The following GLE1 variants were observed in gnomAD, a reference collection of about 807,000 sequenced individuals.
The protein encoded by GLE1 is GLE1 RNA export mediator.
In GLE1, 78 loss-of-function variants were observed where a neutral mutation model predicts 97.3. That is an observed-to-expected ratio of 0.80 (90% CI 0.67 to 0.97). The LOEUF (loss-of-function observed/expected upper bound fraction) is 0.97, where lower values mean the gene tolerates loss of function less well. Ranked by LOEUF, GLE1 falls within the 50% of genes least tolerant of loss-of-function variation. The pLI, the probability that GLE1 is intolerant of heterozygous loss-of-function variation, is 0.00. For synonymous variants in GLE1, 302 were observed against 313.4 expected (o/e 0.96, Z 0.39); for missense variants, 753 against 857.5 (o/e 0.88, Z 1.52).
chr9:128,508,748 T>C, intron 1 of GLE1, 128 bp from the exon 2 acceptor site: 1 of 706,082 alleles, frequency 1.4e-6, no homozygotes, highest in Non-Finnish European at 2.6e-6. Context: ...ATCTGATTGT[T>C]AATACATTAC....
chr9:128,525,176 T>C lies in GLE1; in HGVS notation c.898-16T>C. ...TAGGGAATGACCACTAAGCACCATC[T>C]CCGTCACTCTGACAGAGCAGCTATC... On this transcript the variant is annotated splice_polypyrimidine_tract_variant and intron_variant, in intron 6 of 15. Coordinates refer to ENST00000309971, the MANE Select transcript of GLE1 (RefSeq NM_001003722.2). 1 of 1,597,184 alleles carries C rather than the reference T, an allele frequency of 6.3e-7. No individual in the cohort carries two copies. Among genetic ancestry groups the C allele is most frequent in the Non-Finnish European group, 8.6e-7 (1 of 1,164,656 alleles).
chr9:128,533,037 C>A (rs536410071), intron 9 of GLE1, among the ~76,000 whole-genome samples: 8 of 152,186 alleles, frequency 5.3e-5, no homozygotes, highest in African/African-American at 1.9e-4. Flanking sequence ...TACTGTTTAT[C>A]CCTTCATTTT....
Position 128,522,747 on chromosome 9 carries a change from G to T in GLE1, c.512G>T (p.Arg171Leu). The T allele has an allele frequency of 6.2e-7, 1 of 1,613,932 alleles. No individual in the cohort carries two copies. The highest frequency in any genetic ancestry group is 8.5e-7 in the Non-Finnish European group (1 of 1,179,980). The change falls in exon 4 of 16, where the codon CGG (arginine) becomes CTG (leucine). Residue 171 changes from arginine (R) to leucine (L), a missense_variant. Transcript: ENST00000309971. Reference protein sequence around the residue: ...LSEMASEQLKRFDEWKELKQH... With the variant: ...LSEMASEQLKLFDEWKELKQH... ...GAGATGGCATCTGAACAACTGAAGC[G>T]GTTTGATGAATGGAAGGAACTGAAG...
At chr9:128,540,369 A>G (rs774695784) in intron 15 of GLE1, 31 bp downstream of exon 15, 10 of 1,432,948 alleles carry the variant, frequency 7.0e-6, no homozygotes, top group African/African-American at 4.2e-5. Flanking sequence ...CATGCCCCAC[A>G]CTGTTGTTGG....
At chr9:128,510,358 G>A (rs984730611) in intron 2 of GLE1, among the ~76,000 whole-genome samples, 27 of 151,380 alleles carry the variant, frequency 1.8e-4, no homozygotes, top group African/African-American at 5.1e-4. Flanking sequence ...CCTCCTGAGC[G>A]GCTGGGATTA....
intron 11 of GLE1, among the ~76,000 whole-genome samples, chr9:128,535,237 C>T (rs528774163): frequency 4.0e-5 from 6 of 151,342 alleles, no homozygotes; most frequent in South Asian, 2.1e-4. Context: ...GTTGGCTGGG[C>T]GCGGTGGCTC....
intron 1 of GLE1, 115 bp from the exon 2 acceptor site, chr9:128,508,761 T>G: frequency 1.4e-6 from 1 of 727,394 alleles, no homozygotes; most frequent in East Asian, 2.6e-5. Context: ...TACATTACTT[T>G]GGGTCTTTGA....
chr9:128,516,645 CAG>C (rs1301086737), intron 3 of GLE1, among the ~76,000 whole-genome samples: 1 of 149,198 alleles, frequency 6.7e-6, no homozygotes, highest in Non-Finnish European at 1.5e-5. Flanking sequence ...TTTTTTGAGA[CAG>C]AGTCTTGCTG....
intron 2 of GLE1, among the ~76,000 whole-genome samples, chr9:128,512,213 T>TCTTGTCCCCC (rs1295832140): frequency 6.6e-5 from 10 of 152,262 alleles, no homozygotes; most frequent in African/African-American, 2.2e-4. Context: ...AGGCTATAAA[T>TCTTGTCCCCC]ATAGGTGTGA....
intron 11 of GLE1, among the ~76,000 whole-genome samples, chr9:128,534,587 A>T (rs1457445243): frequency 2.6e-5 from 4 of 152,128 alleles, no homozygotes; most frequent in African/African-American, 9.7e-5. Flanking sequence ...GAGGGTAATG[A>T]CATCTATTAC....
chr9:128,513,161 G>A (rs1846874232), intron 2 of GLE1, among the ~76,000 whole-genome samples: 2 of 151,946 alleles, frequency 1.3e-5, no homozygotes, highest in African/African-American at 2.4e-5. Context: ...GAATCACCTA[G>A]ATCTAGGAAC....
At chr9:128,538,112 CAAGAG>C in intron 13 of GLE1, 22 bp downstream of exon 13, 3 of 1,277,602 alleles carry the variant, frequency 2.3e-6, no homozygotes, top group Non-Finnish European at 2.3e-6. Flanking sequence ...AGTTATCACA[CAAGAG>C]AAGGCCAGTG....
At chr9:128,540,913 G>A (rs2132544829) in intron 15 of GLE1, 189 bp from the exon 16 acceptor site, 1 of 603,614 alleles carries the variant, frequency 1.7e-6, no homozygotes, top group East Asian at 2.8e-5. Context: ...CATTTCATTT[G>A]TTGTCTGGAG....
intron 3 of GLE1, among the ~76,000 whole-genome samples, chr9:128,519,694 C>G (rs1260720342): frequency 6.6e-6 from 1 of 152,224 alleles, no homozygotes; most frequent in East Asian, 1.9e-4. Context: ...GCCCTGCCTC[C>G]ATTTGCCTTG....
Position 128,525,294 on chromosome 9 carries a change from G to A in GLE1, c.1000G>A (p.Glu334Lys), listed in dbSNP as rs138310419. 18,826 of 1,613,958 alleles carry A rather than the reference G, an allele frequency of 0.012. 184 individuals carry two copies. Among genetic ancestry groups the A allele is most frequent in the Admixed American group, 0.015 (913 of 59,996 alleles). The stretch of plus-strand genomic sequence containing the variant: ...GGGGCAGGAGATCACCAGAGCCTGC[G>A]AAGACAAGAGGAGGCAGGATGAAGA... ...NLGQEITRAC[E>K]DKRRQDEEEA... The change falls in exon 7 of 16, where the codon GAA (glutamate) becomes AAA (lysine). Residue 334 changes from glutamate to lysine, a missense_variant. By Grantham distance (56) the Glu-to-Lys change is moderately conservative. Transcript: ENST00000309971.
Position 128,541,178 on chromosome 9 carries a change from CCAT to C in GLE1, c.*11_*13del, listed in dbSNP as rs1847875066. 1 of 1,397,516 alleles carries C rather than the reference CCAT, an allele frequency of 7.2e-7. No individual in the cohort carries two copies. The highest frequency in any genetic ancestry group is 1.2e-5 in the South Asian group (1 of 86,676). The allele number at this position is 1,397,516 out of a possible 1,614,324, so 86.6% of individuals were successfully genotyped here. A position where few individuals can be genotyped will look rare whatever the true frequency, so the allele number is the denominator to read the frequency against. Reference sequence around the variant, plus strand: ...TCCTTCTGGCGCTCCTGATGTCACTCCATCACCCACCATCACCGCTGCTGCAAA... The same window carrying C: ...TCCTTCTGGCGCTCCTGATGTCACTCCACCCACCATCACCGCTGCTGCAAA... On this transcript the variant is annotated 3_prime_UTR_variant, in exon 16 of 16. Transcript: ENST00000309971.
chr9:128,511,164 A>G (rs1006414869), intron 2 of GLE1, among the ~76,000 whole-genome samples: 1 of 151,376 alleles, frequency 6.6e-6, no homozygotes, highest in East Asian at 1.9e-4. Context: ...AGATCATGCC[A>G]TTGTACTCTA....
chr9:128,519,561 G>GT (rs1037485445), intron 3 of GLE1, among the ~76,000 whole-genome samples: 3 of 152,164 alleles, frequency 2.0e-5, no homozygotes, highest in African/African-American at 7.2e-5. Context: ...GGTCAGACCG[G>GT]TTGCTCTCAA....
chr9:128,532,679 G>A (rs1847557785), intron 9 of GLE1: 1 of 972,380 alleles, frequency 1.0e-6, no homozygotes, highest in Middle Eastern at 5.3e-4. Context: ...CCGTTCTTTG[G>A]TCTTCATGGC....
Sources: allele counts gnomAD v4.1 joint callset (sites outside exome capture counted in the v4.1 genomes callset), GRCh38; gene constraint gnomAD v4.1.1; transcripts MANE v1.5; gene names NCBI Gene and HGNC (gene_info 2026-07-23, HGNC 2026-07-21).